Variants in B9D1 observed in about 807,000 individuals in gnomAD.
B9D1 encodes the protein B9 domain containing 1, also known as B9 domain-containing protein 1.
A neutral mutation model predicts 26.1 loss-of-function variants in B9D1; 20 were observed. That is an observed-to-expected ratio of 0.77 (90% CI 0.54 to 1.12). The LOEUF (loss-of-function observed/expected upper bound fraction) is 1.12. B9D1 is among the 50% of genes most tolerant of loss of function. The pLI is 0.00. For missense variants in B9D1, 260 were observed against 273.7 expected, an observed-to-expected ratio of 0.95 and a Z score of 0.35; for synonymous variants, 105 against 103.1, an observed-to-expected ratio of 1.02 and a Z score of -0.11.
chr17:19,343,466 G>A lies in B9D1; in HGVS notation c.473-5C>T. Reference sequence around the variant, plus strand: ...CCTGAGAACGGACACGGGTCACTGGGGACAGAAGGGCAGCATCAGCCAGGC... The same window carrying A: ...CCTGAGAACGGACACGGGTCACTGGAGACAGAAGGGCAGCATCAGCCAGGC... On this transcript the variant is annotated splice_polypyrimidine_tract_variant and splice_region_variant and intron_variant, in intron 6 of 6. Transcript: ENST00000261499. 6.2e-7 allele frequency: 1 copy of A among 1,614,162 alleles called. No homozygotes were observed. Among genetic ancestry groups the A allele is most frequent in the Non-Finnish European group, 8.5e-7 (1 of 1,180,018 alleles).
intron 1 of B9D1, among the ~76,000 whole-genome samples, chr17:19,373,651 G>A (rs143320164): frequency 3.9e-5 from 6 of 152,052 alleles, no homozygotes; most frequent in East Asian, 3.9e-4. Flanking sequence ...CACCTGCCGC[G>A]GACTCCCAAA....
chr17:19,356,265 T>C (rs1385233521), intron 3 of B9D1, among the ~76,000 whole-genome samples: 1 of 152,066 alleles, frequency 6.6e-6, no homozygotes, highest in Non-Finnish European at 1.5e-5. Flanking sequence ...CTAATTTTCG[T>C]ATTTTTAGTA....
At chr17:19,337,121 G>C (rs976119278), downstream of B9D1, among the ~76,000 whole-genome samples, 5 of 152,188 alleles carry the variant, frequency 3.3e-5, no homozygotes, top group African/African-American at 1.2e-4. Flanking sequence ...GAGCTGCTCT[G>C]GGAAGCCACT....
chr17:19,377,741 G>T, intron 1 of B9D1: 1 of 748,388 alleles, frequency 1.3e-6, no homozygotes, highest in Non-Finnish European at 1.6e-6. Flanking sequence ...TCCAGCGAGG[G>T]CTCCGCCCAC....
chr17:19,344,866 C>G (rs3785773), intron 5 of B9D1, among the ~76,000 whole-genome samples: 7,444 of 152,320 alleles, frequency 0.049, 246 homozygotes, highest in East Asian at 0.11. Flanking sequence ...AAGGAGGGAG[C>G]CAGAGAGTGA....
downstream of B9D1, chr17:19,340,788 C>CAAAAAAAA (rs549094886): frequency 1.2e-5 from 1 of 84,308 alleles, no homozygotes. Flanking sequence ...GACCCTGTCT[C>CAAAAAAAA]AAAAAAAAAA....
intron 1 of B9D1, among the ~76,000 whole-genome samples, chr17:19,375,062 G>A (rs996143202): frequency 4.6e-5 from 7 of 152,134 alleles, no homozygotes; most frequent in African/African-American, 1.4e-4. Flanking sequence ...GGCTGACGTA[G>A]GCCGATCACT....
intron 1 of B9D1, among the ~76,000 whole-genome samples, chr17:19,369,290 A>G (rs1245406836): frequency 1.3e-5 from 2 of 152,020 alleles, no homozygotes; most frequent in African/African-American, 4.8e-5. Flanking sequence ...CCCTGCATGG[A>G]GGGAGGGGCA....
intron 3 of B9D1, among the ~76,000 whole-genome samples, chr17:19,353,341 T>G (rs12948723): frequency 0.96 from 146,115 of 152,170 alleles, 70,543 homozygotes; most frequent in African/African-American, 0.99. Context: ...AACATGCATT[T>G]AAAATTACAA....
intron 5 of B9D1, chr17:19,346,966 CT>C: frequency 1.3e-6 from 2 of 1,511,746 alleles, no homozygotes; most frequent in Admixed American, 2.1e-5. Flanking sequence ...TGTTTCCCAC[CT>C]TTTAATGTCA....
chr17:19,343,997 C>T, intron 5 of B9D1, 140 bp from the exon 6 acceptor site: 3 of 1,345,842 alleles, frequency 2.2e-6, no homozygotes, highest in Non-Finnish European at 3.0e-6. Flanking sequence ...AGGAGTCAGG[C>T]CCTAAGCAGA....
rs771426647 is a variant in B9D1 at position 19,347,316 on chromosome 17, G to T, written c.357C>A (p.Ile119=). 1 of 1,614,236 alleles carries T rather than the reference G, an allele frequency of 6.2e-7. No individual in the cohort carries two copies. The highest frequency in any genetic ancestry group is 2.2e-5 in the East Asian group (1 of 44,890). The change falls in exon 5 of 7, where the codon ATC becomes ATA. Residue 119 remains isoleucine, a synonymous_variant. Transcript: ENST00000261499. This position sits in a 1 kb window ranked among gnomAD's most constrained non-coding sequence, Gnocchi z 4.3. ...PFSPGRHKRT[I]PMFVPESTSK... ...ACGTAGATTCTGGGACAAACATGGG[G>T]ATGGTCCTTTTGTGCCTGAAACAAA...
intron 5 of B9D1, chr17:19,346,837 C>G: frequency 1.7e-6 from 2 of 1,186,614 alleles, no homozygotes; most frequent in Non-Finnish European, 2.2e-6. Context: ...TCTTCCCCGG[C>G]TCTTCCCTCC....
At chr17:19,339,332 ATCTGG>A (rs1465232804), downstream of B9D1, among the ~76,000 whole-genome samples, 1 of 151,980 alleles carries the variant, frequency 6.6e-6, no homozygotes, top group Non-Finnish European at 1.5e-5. Context: ...TGCACATCCT[ATCTGG>A]CCTGTCCCTT....
At chr17:19,342,932 G>C (rs1598043991), downstream of B9D1, 3 of 336,322 alleles carry the variant, frequency 8.9e-6, no homozygotes, top group Non-Finnish European at 1.4e-5. Flanking sequence ...TGCCCAGTTA[G>C]TTCAAGGAAC....
rs1253227740 is a variant in B9D1 at position 19,347,035 on chromosome 17, C to T, written c.404+234G>A. 4 of 1,547,362 alleles carry T rather than the reference C, an allele frequency of 2.6e-6. No homozygotes were observed. The highest frequency in any genetic ancestry group is 2.6e-6 in the Non-Finnish European group (3 of 1,146,332). On this transcript the variant is annotated intron_variant, in intron 5 of 6. Coordinates refer to ENST00000261499, the MANE Select transcript of B9D1 (RefSeq NM_015681.6). This position sits in a 1 kb window ranked among gnomAD's most constrained non-coding sequence, Gnocchi z 4.3. ...AGAGTTTTTCCTCTGCTCCCTCAGACACAAAGATTTTTCACAGGGCACAGG... is the reference window on the plus strand; with the variant it reads ...AGAGTTTTTCCTCTGCTCCCTCAGATACAAAGATTTTTCACAGGGCACAGG...
intron 1 of B9D1, 23 bp from the exon 2 acceptor site, chr17:19,360,411 C>G: frequency 1.9e-6 from 3 of 1,609,932 alleles, no homozygotes; most frequent in Non-Finnish European, 2.5e-6. Context: ...CAGACAGATT[C>G]TGTCGACTGG....
Position 19,357,955 on chromosome 17 carries a change from T to C in B9D1, c.133-4A>G, listed in dbSNP as rs760974209. 6 of 1,607,554 alleles carry C rather than the reference T, an allele frequency of 3.7e-6. No individual in the cohort carries two copies. The highest frequency in any genetic ancestry group is 4.3e-6 in the Non-Finnish European group (5 of 1,174,018). ...GTGAGATCCCCTCCTCCAGACCCTG[T>C]GAGGACAGTGACACAGACGGCTGGA... On this transcript the variant is annotated splice_region_variant and splice_polypyrimidine_tract_variant and intron_variant, in intron 2 of 6. Transcript: ENST00000261499.
Position 19,347,478 on chromosome 17 carries a change from A to C in B9D1, c.342-147T>G, listed in dbSNP as rs1298194271. On this transcript the variant is annotated intron_variant, in intron 4 of 6. Transcript: ENST00000261499. This position sits in a 1 kb window ranked among gnomAD's most constrained non-coding sequence, Gnocchi z 4.3. ...CAACGAATCCAACCTGTGCTAACTG[A>C]GCACCCCCTGTGTCTGGGCAAGGTG... 14 of 1,000,666 alleles carry C rather than the reference A, an allele frequency of 1.4e-5. No individual in the cohort carries two copies. Among genetic ancestry groups the C allele is most frequent in the Non-Finnish European group, 2.0e-5 (13 of 647,448 alleles). 62.0% of individuals were successfully genotyped at this position (1,000,666 alleles called of 1,614,324 possible).
Sources: allele counts gnomAD v4.1 joint callset (sites outside exome capture counted in the v4.1 genomes callset), GRCh38; gene constraint gnomAD v4.1.1; non-coding constraint Gnocchi (gnomAD v3.1); transcripts MANE v1.5; gene names NCBI Gene and HGNC (gene_info 2026-07-23, HGNC 2026-07-21).